The following GALNT1 variants were observed in gnomAD, a reference collection of about 807,000 sequenced individuals.
GALNT1 encodes the protein polypeptide N-acetylgalactosaminyltransferase 1.
Under a neutral mutation model 65.7 loss-of-function variants are expected in GALNT1, and 17 were observed. The ratio of observed to expected loss-of-function variants is 0.26; its 90% confidence interval spans 0.18 to 0.39. The LOEUF is 0.39. Ranked by LOEUF, GALNT1 falls within the 10% of genes least tolerant of loss-of-function variation. The pLI is 1.00. For synonymous variants in GALNT1, 210 were observed against 219.7 expected (o/e 0.96, Z 0.39); for missense variants, 460 against 672.8 (o/e 0.68, Z 3.50).
chr18:35,663,879 C>CAAT, intron 3 of GALNT1, 77 bp downstream of exon 3: 1 of 1,367,252 alleles, frequency 7.3e-7, no homozygotes, highest in Non-Finnish European at 1.0e-6. Context: ...CACTTGAGTG[C>CAAT]TGATTGTTCT....
intron 2 of GALNT1, among the ~76,000 whole-genome samples, chr18:35,656,580 T>A (rs2047389196): frequency 6.6e-6 from 1 of 152,174 alleles, no homozygotes; most frequent in Non-Finnish European, 1.5e-5. Flanking sequence ...TGTGCAAGAT[T>A]AGCAAGTGAG....
chr18:35,661,102 A>G (rs2047471440), intron 2 of GALNT1, among the ~76,000 whole-genome samples: 2 of 152,214 alleles, frequency 1.3e-5, no homozygotes, highest in African/African-American at 4.8e-5. Flanking sequence ...GTAATAAGCA[A>G]TTAAGTTTAT....
chr18:35,585,851 C>T (rs1007668318), intron 1 of GALNT1, among the ~76,000 whole-genome samples: 8 of 152,158 alleles, frequency 5.3e-5, no homozygotes, highest in Admixed American at 1.3e-4. Context: ...TGTACTTTTA[C>T]GGATCTTTTA....
chr18:35,637,817 G>T (rs923637264), intron 1 of GALNT1, among the ~76,000 whole-genome samples: 4 of 152,216 alleles, frequency 2.6e-5, no homozygotes, highest in African/African-American at 9.6e-5. Context: ...GACTGACTTT[G>T]TTAGTAGGTG....
chr18:35,674,873 C>T (rs2047685825), intron 3 of GALNT1, among the ~76,000 whole-genome samples: 1 of 148,178 alleles, frequency 6.7e-6, no homozygotes, highest in Non-Finnish European at 1.5e-5. Flanking sequence ...GGACCAGCTA[C>T]TGGGGAGGCT....
chr18:35,683,675 T>C, intron 5 of GALNT1, 77 bp downstream of exon 5: 3 of 1,111,156 alleles, frequency 2.7e-6, no homozygotes, highest in Non-Finnish European at 3.8e-6. Flanking sequence ...AATTCTATAT[T>C]TTTTAAATAA....
At position 35,692,162 on chromosome 18, in the gene GALNT1, C is replaced by A; in HGVS notation, c.1160-19C>A. The A allele has an allele frequency of 1.3e-6, 2 of 1,592,738 alleles. No individual in the cohort carries two copies. The highest frequency in any genetic ancestry group is 2.2e-5 in the South Asian group (2 of 89,174). Reference sequence around the variant, plus strand: ...TAAAACAACACTAATAATTCAGAGTCAATTATTTCTTTCAACAGGTGTTAC... The same window carrying A: ...TAAAACAACACTAATAATTCAGAGTAAATTATTTCTTTCAACAGGTGTTAC... On this transcript the variant is annotated intron_variant, in intron 8 of 11. Coordinates refer to ENST00000269195, the MANE Select transcript of GALNT1 (RefSeq NM_020474.4).
At chr18:35,615,356 A>G (rs190021032) in intron 1 of GALNT1, among the ~76,000 whole-genome samples, 58 of 152,106 alleles carry the variant, frequency 3.8e-4, no homozygotes, top group African/African-American at 1.3e-3. Context: ...AATACGTTTT[A>G]AATGGTTGGG....
chr18:35,649,197 G>T (rs2047278419), intron 1 of GALNT1, among the ~76,000 whole-genome samples: 1 of 152,196 alleles, frequency 6.6e-6, no homozygotes, highest in African/African-American at 2.4e-5. Context: ...TAGAGTTCCA[G>T]TTGCTCCAAT....
chr18:35,634,490 G>A (rs187117691), intron 1 of GALNT1, among the ~76,000 whole-genome samples: 1 of 152,142 alleles, frequency 6.6e-6, no homozygotes, highest in African/African-American at 2.4e-5. Flanking sequence ...AAAGGTGCAC[G>A]GGGTGAAGTT....
At chr18:35,620,437 G>C (rs2046836413) in intron 1 of GALNT1, among the ~76,000 whole-genome samples, 1 of 152,124 alleles carries the variant, frequency 6.6e-6, no homozygotes, top group Non-Finnish European at 1.5e-5. Context: ...ACTATTGAAT[G>C]AACAACTAGC....
intron 1 of GALNT1, among the ~76,000 whole-genome samples, chr18:35,641,116 A>G (rs1198533359): frequency 1.3e-5 from 2 of 152,216 alleles, no homozygotes; most frequent in Admixed American, 6.5e-5. Context: ...ATTAGCCACC[A>G]TACCCAGACA....
At position 35,621,289 on chromosome 18, in the gene GALNT1, C is replaced by T. The variant is rs150397194; in HGVS notation, c.-103-33271C>T. On this transcript the variant is annotated intron_variant, in intron 1 of 11. Coordinates refer to ENST00000269195, the MANE Select transcript of GALNT1 (RefSeq NM_020474.4). ...AGGCTTCCAGGCCCAAGTGATCCCC[C>T]CACCTCAGCCTCCCAAGTAGCTGGG... is the stretch of plus-strand genomic sequence containing the variant. Among the ~76,000 whole-genome samples, 1,101 of 125,498 alleles carry T rather than the reference C, an allele frequency of 8.8e-3. 115 individuals carry two copies. The highest frequency in any genetic ancestry group is 0.053 in the East Asian group (243 of 4,550). 82.3% of individuals were successfully genotyped at this position (125,498 alleles called of 152,430 possible). A position where few individuals can be genotyped will look rare whatever the true frequency, so the allele number is the denominator to read the frequency against.
At chr18:35,651,578 C>A (rs1437977016) in intron 1 of GALNT1, among the ~76,000 whole-genome samples, 3 of 152,172 alleles carry the variant, frequency 2.0e-5, no homozygotes, top group Non-Finnish European at 2.9e-5. Context: ...TTCTCTTCAG[C>A]TCTGACTCTT....
In GALNT1 at chr18:35,590,795, AAGGT is replaced by A. The variant is rs568882068; in HGVS notation, c.-104+8937_-104+8940del. On this transcript the variant is annotated intron_variant, in intron 1 of 11. Transcript: ENST00000269195. ...CCATGCGTGGCAGGGACTGTAAAAA[AAGGT>A]AGGAAGGCAGCACTGTCATAGTGGA... Among the ~76,000 whole-genome samples, 34 of 152,310 alleles carry A rather than the reference AAGGT, an allele frequency of 2.2e-4. No individual in the cohort carries two copies. The East Asian group carries it at 5.2e-3, about 23-fold the overall frequency.
intron 9 of GALNT1, among the ~76,000 whole-genome samples, chr18:35,693,922 G>A (rs1568034550): frequency 6.6e-6 from 1 of 152,148 alleles, no homozygotes; most frequent in African/African-American, 2.4e-5. Context: ...AAATCATGGA[G>A]ATGAGAAGGA....
At chr18:35,598,215 A>T (rs1048537095) in intron 1 of GALNT1, among the ~76,000 whole-genome samples, 1 of 151,616 alleles carries the variant, frequency 6.6e-6, no homozygotes, top group East Asian at 1.9e-4. Flanking sequence ...TTGTATTTTT[A>T]GTAGAGATGA....
chr18:35,590,707 C>G (rs923596402), intron 1 of GALNT1, among the ~76,000 whole-genome samples: 21 of 151,954 alleles, frequency 1.4e-4, no homozygotes, highest in Non-Finnish European at 2.6e-4. Flanking sequence ...TTGAAACTCT[C>G]ATTTGTCCAT....
intron 3 of GALNT1, among the ~76,000 whole-genome samples, chr18:35,665,797 C>T (rs552640281): frequency 6.6e-6 from 1 of 152,234 alleles, no homozygotes; most frequent in East Asian, 1.9e-4. Context: ...TTTGGACATG[C>T]AAGATCTCAA....
Sources: gnomAD v4.1 joint callset for allele counts (sites outside exome capture counted in the v4.1 genomes callset) on GRCh38, gnomAD v4.1.1 for gene constraint, MANE v1.5 for transcripts, NCBI Gene and HGNC (gene_info 2026-07-23, HGNC 2026-07-21) for gene names.